TBC1D9B: variants seen among roughly 807,000 people sequenced by gnomAD.
The protein encoded by TBC1D9B is TBC1 domain family member 9B, also known as TBC1 domain family, member 9B (with GRAM domain).
In TBC1D9B, 87 loss-of-function variants were observed where a neutral mutation model predicts 121.1. That is an observed-to-expected ratio of 0.72 (90% confidence interval 0.60 to 0.86). The LOEUF (loss-of-function observed/expected upper bound fraction) is 0.86. Among genes scored for constraint, TBC1D9B ranks in the 40% least tolerant of loss-of-function variants. The pLI is 0.00. For synonymous variants in TBC1D9B, 668 were observed against 670.1 expected (o/e 1.00, Z 0.05); for missense variants, 1,540 against 1,628.6 (o/e 0.95, Z 0.94).
chr5:179,871,331 G>A, intron 15 of TBC1D9B, 131 bp downstream of exon 15: 2 of 903,230 alleles, frequency 2.2e-6, no homozygotes, highest in South Asian at 1.6e-5. Context: ...GATGCACTTA[G>A]ATCTGTTTCT....
At chr5:179,870,130 G>A (rs1760144881) in intron 16 of TBC1D9B, 125 bp downstream of exon 16, 3 of 1,479,272 alleles carry the variant, frequency 2.0e-6, no homozygotes, top group Non-Finnish European at 2.7e-6. Context: ...CCGTATCTAG[G>A]GCCAGGGGCT....
chr5:179,872,859 C>T, intron 14 of TBC1D9B, 33 bp downstream of exon 14: 1 of 1,551,188 alleles, frequency 6.4e-7, no homozygotes, highest in Non-Finnish European at 8.8e-7. Context: ...CCCCCCCAGC[C>T]CAGCCCCTGC....
intron 7 of TBC1D9B, among the ~76,000 whole-genome samples, chr5:179,884,966 T>C (rs1254322568): frequency 6.6e-6 from 1 of 152,114 alleles, no homozygotes; most frequent in Non-Finnish European, 1.5e-5. Context: ...TACTTAATGG[T>C]AAATGTTGTT....
At chr5:179,887,746 T>C in intron 7 of TBC1D9B, 2 of 309,946 alleles carry the variant, frequency 6.5e-6, no homozygotes, top group Non-Finnish European at 1.2e-5. Context: ...AACTTCAGCC[T>C]GAACGCCTGG....
intron 13 of TBC1D9B, 34 bp downstream of exon 13, chr5:179,873,085 C>T (rs200153025): frequency 9.9e-5 from 159 of 1,610,766 alleles, no homozygotes; most frequent in Middle Eastern, 3.3e-4. Flanking sequence ...CCAGATGGAG[C>T]GGCCTGGCCA....
intron 18 of TBC1D9B, chr5:179,867,312 T>G: frequency 9.6e-7 from 1 of 1,036,322 alleles, no homozygotes. Flanking sequence ...TGCTTCTGGG[T>G]CCTTCTCAGA....
In TBC1D9B at chr5:179,870,375, C is replaced by A; in HGVS notation, c.2605G>T (p.Ala869Ser). The change falls in exon 16 of 21, where the codon GCC becomes TCC. Residue 869 changes from alanine (A) to serine (S), a missense_variant. By Grantham distance (99) the Ala-to-Ser change is moderately conservative. Coordinates refer to ENST00000355235, the MANE Select transcript of TBC1D9B (RefSeq NM_015043.4). ...IDASQFRELF[A>S]SLTPWACGSH... Reference sequence around the variant, plus strand: ...CCACAGGCCCAGGGTGTCAGGCTGGCAAAGAGTTCCCGGAACTGGCTGGCA... The same window carrying A: ...CCACAGGCCCAGGGTGTCAGGCTGGAAAAGAGTTCCCGGAACTGGCTGGCA... 1 of 1,613,842 alleles carries A rather than the reference C, an allele frequency of 6.2e-7. No individual in the cohort carries two copies. The highest frequency in any genetic ancestry group is 8.5e-7 in the Non-Finnish European group (1 of 1,180,020).
rs561307760 is a variant in TBC1D9B, at chr5:179,906,348, G to A, written c.118+1356C>T. ...CTGGGAGCTCGGTCCCAGGGGACAC[G>A]GAGAGTGAGGTGGAAAGGAGAAGAG... On this transcript the variant is annotated intron_variant, in intron 1 of 20. Transcript: ENST00000355235. Among the ~76,000 whole-genome samples the A allele has an allele frequency of 1.9e-3, 288 of 152,284 alleles. 1 individual carries two copies. The highest frequency in any genetic ancestry group is 6.5e-3 in the African/African-American group (271 of 41,550).
intron 2 of TBC1D9B, among the ~76,000 whole-genome samples, chr5:179,899,821 C>T (rs745341372): frequency 1.1e-4 from 16 of 152,138 alleles, no homozygotes; most frequent in South Asian, 6.2e-4. Flanking sequence ...GCTGGGCAGG[C>T]GAGTAGCTAC....
intron 7 of TBC1D9B, among the ~76,000 whole-genome samples, chr5:179,882,175 C>T (rs1214443776): frequency 6.6e-6 from 1 of 152,182 alleles, no homozygotes; most frequent in Non-Finnish European, 1.5e-5. Context: ...AAACTCCCAA[C>T]TTCAGGTGAC....
Position 179,863,408 on chromosome 5 carries a change from C to T in TBC1D9B, c.*40G>A. The T allele has an allele frequency of 6.3e-7, 1 of 1,591,874 alleles. No homozygotes were observed. The highest frequency in any genetic ancestry group is 8.6e-7 in the Non-Finnish European group (1 of 1,168,280). ...AGGCAGGAGGAGATGAGGCCAGCCC[C>T]ACTGATGACACCTTGGGCCAGGCCT... On this transcript the variant is annotated 3_prime_UTR_variant, in exon 21 of 21. Coordinates refer to ENST00000355235, the MANE Select transcript of TBC1D9B (RefSeq NM_015043.4). This position sits in a 1 kb window ranked among gnomAD's most constrained non-coding sequence, Gnocchi z 4.5.
rs192922410 is a variant in TBC1D9B at position 179,864,763 on chromosome 5, C to T, written c.3021+491G>A. Among the ~76,000 whole-genome samples, 14 of 152,334 alleles carry T rather than the reference C, an allele frequency of 9.2e-5. No homozygotes were observed. The East Asian group carries it at 2.1e-3, about 23-fold the overall frequency. On this transcript the variant is annotated intron_variant, in intron 20 of 20. Coordinates refer to ENST00000355235, the MANE Select transcript of TBC1D9B (RefSeq NM_015043.4). ...GCACAGCTAGACCGTGGGTCTGGCC[C>T]GAGGGCCATGGTCAGGCTGGTGCTC...
intron 14 of TBC1D9B, 171 bp from the exon 15 acceptor site, chr5:179,871,701 T>C: frequency 1.6e-6 from 1 of 612,426 alleles, no homozygotes; most frequent in Non-Finnish European, 2.9e-6. Flanking sequence ...CCACAGCCCA[T>C]CCCTGGCCCC....
At chr5:179,879,474 T>C in intron 8 of TBC1D9B, 154 bp downstream of exon 8, 9 of 1,243,728 alleles carry the variant, frequency 7.2e-6, no homozygotes, top group Non-Finnish European at 1.0e-5. Flanking sequence ...GAGTGCCTGC[T>C]CCGTCTCACG....
In TBC1D9B at chr5:179,874,214, G is replaced by A. The variant is rs1288735606; in HGVS notation, c.2186+688C>T. Among the ~76,000 whole-genome samples, 1 of 152,162 alleles carries A rather than the reference G, an allele frequency of 6.6e-6. No homozygotes were observed. The highest frequency in any genetic ancestry group is 1.5e-5 in the Non-Finnish European group (1 of 68,034). On this transcript the variant is annotated intron_variant, in intron 12 of 20. Transcript: ENST00000355235. This position sits in a 1 kb window ranked among gnomAD's most constrained non-coding sequence, Gnocchi z 4.3. ...GGCTGGAGGCTCAGACAGTGCCTTT[G>A]TACAGAGGACCCAGGGAAGGGGCAG...
In TBC1D9B at chr5:179,904,622, G is replaced by T. The variant is rs947465748; in HGVS notation, c.229+80C>A. On this transcript the variant is annotated intron_variant, in intron 2 of 20. Coordinates refer to ENST00000355235, the MANE Select transcript of TBC1D9B (RefSeq NM_015043.4). This position sits in a 1 kb window ranked among gnomAD's most constrained non-coding sequence, Gnocchi z 4.2. The stretch of plus-strand genomic sequence containing the variant: ...GCAGGGAATACCACCCAGACACGTG[G>T]GCTACACACCCCTTCCTCTCGGCAA... 3 of 1,231,564 alleles carry T rather than the reference G, an allele frequency of 2.4e-6. No homozygotes were observed. The highest frequency in any genetic ancestry group is 2.6e-5 in the East Asian group (1 of 38,906). The allele number at this position is 1,231,564 out of a possible 1,614,324, so 76.3% of individuals were successfully genotyped here.
In TBC1D9B at chr5:179,891,726, G is replaced by A. The variant is rs1760872657; in HGVS notation, c.837-140C>T. ...TGGGGTGGTCCCTTGAGCAAGTCAT[G>A]CTCAGGGACCTCAGAGTTCAATAAA... On this transcript the variant is annotated intron_variant, in intron 5 of 20. Coordinates refer to ENST00000355235, the MANE Select transcript of TBC1D9B (RefSeq NM_015043.4). The surrounding 1 kb of genome is among the most constrained non-coding windows in gnomAD (Gnocchi z 4.3). The A allele has an allele frequency of 4.8e-6, 4 of 841,344 alleles. No individual in the cohort carries two copies. Among genetic ancestry groups the A allele is most frequent in the Non-Finnish European group, 7.3e-6 (4 of 546,974 alleles). 52.1% of individuals were successfully genotyped at this position (841,344 alleles called of 1,614,324 possible). A position where few individuals can be genotyped will look rare whatever the true frequency, so the allele number is the denominator to read the frequency against.
At chr5:179,887,990 AG>A (rs1342040178) in intron 7 of TBC1D9B, 112 bp downstream of exon 7, 13 of 1,332,570 alleles carry the variant, frequency 9.8e-6, no homozygotes, top group Non-Finnish European at 1.4e-5. Context: ...ATCCACCCCT[AG>A]GCGGAGGCCC....
At chr5:179,906,072 G>A (rs1427007577) in intron 1 of TBC1D9B, among the ~76,000 whole-genome samples, 2 of 152,204 alleles carry the variant, frequency 1.3e-5, no homozygotes, top group African/African-American at 4.8e-5. Flanking sequence ...TAGAGACGGG[G>A]TTTTGCCATG....
Sources: allele counts gnomAD v4.1 joint callset (sites outside exome capture counted in the v4.1 genomes callset), GRCh38; gene constraint gnomAD v4.1.1; non-coding constraint Gnocchi (gnomAD v3.1); transcripts MANE v1.5; gene names NCBI Gene and HGNC (gene_info 2026-07-23, HGNC 2026-07-21).